The following GLIS3 variants were observed in gnomAD, a reference collection of about 807,000 sequenced individuals.
GLIS3 encodes the protein zinc finger protein GLIS3.
In GLIS3, 53 loss-of-function variants were observed where a neutral mutation model predicts 78.6. The observed-to-expected ratio is 0.67, with a 90% CI of 0.54 to 0.85. The LOEUF is 0.85. GLIS3 is among the 40% of genes least tolerant of loss of function. The pLI, the probability that GLIS3 is intolerant of heterozygous loss-of-function variation, is 0.00. For synonymous variants in GLIS3, 684 were observed against 509.9 expected (o/e 1.34, Z -4.60); for missense variants, 1,703 against 1,231.1 (o/e 1.38, Z -5.74).
intron 2 of GLIS3, among the ~76,000 whole-genome samples, chr9:4,333,270 G>C (rs956882179): frequency 2.7e-5 from 1 of 36,534 alleles, no homozygotes; most frequent in African/African-American, 5.7e-5. Flanking sequence ...AATGGGAAGG[G>C]GAAGGGGAAT....
intron 2 of GLIS3, among the ~76,000 whole-genome samples, chr9:4,327,877 C>A (rs1817625526): frequency 6.6e-6 from 1 of 152,212 alleles, no homozygotes; most frequent in Non-Finnish European, 1.5e-5. Flanking sequence ...AGCAGAAGCC[C>A]AGTGGAATCA....
At chr9:3,957,736 C>G (rs1013607005) in intron 4 of GLIS3, among the ~76,000 whole-genome samples, 1 of 152,210 alleles carries the variant, frequency 6.6e-6, no homozygotes, top group Non-Finnish European at 1.5e-5. Context: ...CATTCCCAGT[C>G]CATCTCAGAT....
the GLIS3 span, among the ~76,000 whole-genome samples, chr9:4,469,849 G>GT: frequency 3.9e-5 from 6 of 152,064 alleles, no homozygotes; most frequent in Non-Finnish European, 8.8e-5. Context: ...TCTAGGAGCT[G>GT]TTTTTTTGAG....
intron 4 of GLIS3, among the ~76,000 whole-genome samples, chr9:4,106,443 T>C (rs930171706): frequency 1.3e-5 from 2 of 152,192 alleles, no homozygotes; most frequent in African/African-American, 2.4e-5. Context: ...GGCTGTGGTA[T>C]TGCATGATGT....
intron 4 of GLIS3, among the ~76,000 whole-genome samples, chr9:4,036,500 CA>C (rs1290669151): frequency 6.6e-6 from 1 of 152,084 alleles, no homozygotes; most frequent in East Asian, 1.9e-4. Flanking sequence ...GAACTCAGCC[CA>C]AATTGGTAAC....
chr9:3,957,067 C>T (rs776656999), intron 4 of GLIS3, among the ~76,000 whole-genome samples: 3 of 152,188 alleles, frequency 2.0e-5, no homozygotes, highest in Non-Finnish European at 2.9e-5. Flanking sequence ...CTCTAAGCCA[C>T]CTGCCTCCCA....
At chr9:4,404,616 G>A in the GLIS3 span, among the ~76,000 whole-genome samples, 2 of 152,180 alleles carry the variant, frequency 1.3e-5, no homozygotes, top group South Asian at 2.1e-4. Flanking sequence ...GCTCCTGAAT[G>A]ACCTGTGAGT....
chr9:4,487,861 T>C, the GLIS3 span, among the ~76,000 whole-genome samples: 1 of 151,854 alleles, frequency 6.6e-6, no homozygotes, highest in Non-Finnish European at 1.5e-5. Flanking sequence ...ATTATTATTA[T>C]TATTAAGTTT....
intron 2 of GLIS3, among the ~76,000 whole-genome samples, chr9:4,224,938 G>A (rs1337663256): frequency 1.3e-5 from 2 of 151,690 alleles, no homozygotes; most frequent in Non-Finnish European, 2.9e-5. Flanking sequence ...TTATCACTAT[G>A]AGTATCGTTA....
rs144576834 is a variant in GLIS3, at chr9:4,096,128, C to G, written c.1710+21640G>C. On this transcript the variant is annotated intron_variant, in intron 4 of 10. Coordinates refer to ENST00000381971, the MANE Select transcript of GLIS3 (RefSeq NM_001042413.2). ...AAGGAGAAAAAAACAAAGATAAATT[C>G]ATTGACCAAAGGATTAAATAGTTCA... 2.0e-5 allele frequency among the ~76,000 whole-genome samples: 3 copies of G among 151,576 alleles called. No individual in the cohort carries two copies. In the East Asian group the frequency reaches 5.8e-4, roughly 29 times the overall value.
intron 4 of GLIS3, among the ~76,000 whole-genome samples, chr9:4,029,009 C>T (rs16920424): frequency 0.064 from 9,689 of 151,968 alleles, 555 homozygotes; most frequent in African/African-American, 0.15. Flanking sequence ...AGTAGACATA[C>T]TACTCCAAGA....
At chr9:3,835,344 G>GT (rs1212098904) in intron 9 of GLIS3, among the ~76,000 whole-genome samples, 1 of 152,154 alleles carries the variant, frequency 6.6e-6, no homozygotes, top group Non-Finnish European at 1.5e-5. Flanking sequence ...AAAAACATCA[G>GT]GAAGGTTCCC....
At chr9:3,943,966 T>C (rs767777890) in intron 4 of GLIS3, among the ~76,000 whole-genome samples, 21 of 152,226 alleles carry the variant, frequency 1.4e-4, no homozygotes, top group Non-Finnish European at 2.5e-4. Flanking sequence ...GCCTATTAAC[T>C]AGCTCATAAA....
At chr9:4,362,568 C>G in the GLIS3 span, among the ~76,000 whole-genome samples, 2 of 152,174 alleles carry the variant, frequency 1.3e-5, no homozygotes, top group Admixed American at 1.3e-4. Flanking sequence ...ATGAATTTCC[C>G]TCAAAGTTGC....
At chr9:4,159,650 C>T (rs1480754272) in intron 2 of GLIS3, among the ~76,000 whole-genome samples, 1 of 151,320 alleles carries the variant, frequency 6.6e-6, no homozygotes, top group East Asian at 1.9e-4. Context: ...ATCCGGGAGG[C>T]AGAGGTTGCA....
the GLIS3 span, among the ~76,000 whole-genome samples, chr9:4,468,963 C>CA: frequency 2.6e-5 from 4 of 151,800 alleles, no homozygotes; most frequent in African/African-American, 7.2e-5. Flanking sequence ...AAATGGAAAG[C>CA]AAAAAACGCA....
At position 3,977,350 on chromosome 9, in the gene GLIS3, C is replaced by G. The variant is rs368381993; in HGVS notation, c.1711-40161G>C. On this transcript the variant is annotated intron_variant, in intron 4 of 10. Transcript: ENST00000381971. This position sits in a 1 kb window ranked among gnomAD's most constrained non-coding sequence, Gnocchi z 4.1. ...TGCCATCTCTTTGTAGCAGAATAAACTCATATCTGATGCTATAATTACAAC... is the reference window on the plus strand; with the variant it reads ...TGCCATCTCTTTGTAGCAGAATAAAGTCATATCTGATGCTATAATTACAAC... Among the ~76,000 whole-genome samples, 1 of 152,190 alleles carries G rather than the reference C, an allele frequency of 6.6e-6. No individual in the cohort carries two copies. Among genetic ancestry groups the G allele is most frequent in the Non-Finnish European group, 1.5e-5 (1 of 68,036 alleles).
the GLIS3 span, among the ~76,000 whole-genome samples, chr9:4,400,264 G>C: frequency 1.2e-4 from 19 of 152,218 alleles, no homozygotes; most frequent in African/African-American, 4.6e-4. Context: ...AGATGGAGAA[G>C]AGTTAGGAGG....
At chr9:4,471,871 A>G in the GLIS3 span, among the ~76,000 whole-genome samples, 1 of 152,220 alleles carries the variant, frequency 6.6e-6, no homozygotes, top group Non-Finnish European at 1.5e-5. Flanking sequence ...ACAGAGGGCT[A>G]ATATCCAGAA....
Sources: allele counts gnomAD v4.1 joint callset (sites outside exome capture counted in the v4.1 genomes callset), GRCh38; gene constraint gnomAD v4.1.1; non-coding constraint Gnocchi (gnomAD v3.1); transcripts MANE v1.5; gene names NCBI Gene and HGNC (gene_info 2026-07-23, HGNC 2026-07-21).